NTN1: variants seen among roughly 807,000 people sequenced by gnomAD.
The protein encoded by NTN1 is netrin-1.
Under a neutral mutation model 54.2 loss-of-function variants are expected in NTN1, and 11 were observed. That is an observed-to-expected ratio of 0.20 (90% CI 0.13 to 0.34). The LOEUF is 0.34. Ranked by LOEUF, NTN1 falls within the 10% of genes least tolerant of loss-of-function variation. The pLI, the probability that NTN1 is intolerant of heterozygous loss-of-function variation, is 1.00. For missense variants in NTN1, 740 were observed against 893.1 expected, an observed-to-expected ratio of 0.83 and a Z score of 2.18; for synonymous variants, 371 against 382.0, an observed-to-expected ratio of 0.97 and a Z score of 0.33.
chr17:9,080,720 G>A (rs1567705570), intron 2 of NTN1, among the ~76,000 whole-genome samples: 1 of 152,160 alleles, frequency 6.6e-6, no homozygotes. Flanking sequence ...AAGAGGGGTT[G>A]AAGGTTGAAG....
chr17:9,166,451 C>T (rs909720196), intron 3 of NTN1, among the ~76,000 whole-genome samples: 23 of 150,404 alleles, frequency 1.5e-4, no homozygotes, highest in Admixed American at 4.7e-4. Context: ...AAGCGATTCT[C>T]CTGCCTCAGC....
chr17:9,064,964 C>CCT (rs1375873605), intron 2 of NTN1, among the ~76,000 whole-genome samples: 6 of 151,914 alleles, frequency 3.9e-5, no homozygotes, highest in Non-Finnish European at 8.8e-5. Context: ...TGAGATGGCG[C>CCT]CTCTCTCTGT....
chr17:9,234,067 G>C (rs574880513), intron 6 of NTN1, among the ~76,000 whole-genome samples: 15 of 152,340 alleles, frequency 9.8e-5, no homozygotes, highest in Admixed American at 8.5e-4. Context: ...CTGGCCCTGA[G>C]CCCCTTTCTT....
At chr17:9,116,656 A>G (rs1380034618) in intron 2 of NTN1, among the ~76,000 whole-genome samples, 1 of 152,076 alleles carries the variant, frequency 6.6e-6, no homozygotes, top group Non-Finnish European at 1.5e-5. Flanking sequence ...TCACGTTCTC[A>G]TTGTCACCTA....
chr17:9,210,905 GAAAAAAAAAAAAAA>G (rs58541910), intron 5 of NTN1, among the ~76,000 whole-genome samples: 7 of 23,488 alleles, frequency 3.0e-4, no homozygotes, highest in South Asian at 5.2e-3. Flanking sequence ...GACTCCATCT[GAAAAAAAAAAAAAA>G]AAAAAAAAAA....
chr17:9,114,166 A>AAAAAAAAAAATATATATATATATATAT (rs1555569108), intron 2 of NTN1, among the ~76,000 whole-genome samples: 1 of 74,658 alleles, frequency 1.3e-5, no homozygotes, highest in African/African-American at 5.8e-5. Flanking sequence ...AAAAAAAAAA[A>AAAAAAAAAAATATATATATATATATAT]ATATATATAT....
chr17:9,235,019 G>C (rs1370078651), intron 6 of NTN1, among the ~76,000 whole-genome samples: 1 of 146,556 alleles, frequency 6.8e-6, no homozygotes, highest in African/African-American at 2.5e-5. Context: ...CTGGAGTGCA[G>C]TGGTGCGATC....
At chr17:9,053,707 A>G (rs2091968261) in intron 2 of NTN1, among the ~76,000 whole-genome samples, 1 of 152,252 alleles carries the variant, frequency 6.6e-6, no homozygotes, top group African/African-American at 2.4e-5. Context: ...ATGAAAAAAG[A>G]GACAGCCACC....
intron 6 of NTN1, among the ~76,000 whole-genome samples, chr17:9,224,390 G>T (rs933557899): frequency 6.6e-6 from 1 of 152,186 alleles, no homozygotes; most frequent in African/African-American, 2.4e-5. Flanking sequence ...GCGGGGAAGG[G>T]TGGGGCAGAG....
At chr17:9,181,172 G>A (rs980583759) in intron 4 of NTN1, among the ~76,000 whole-genome samples, 1 of 152,128 alleles carries the variant, frequency 6.6e-6, no homozygotes, top group South Asian at 2.1e-4. Flanking sequence ...TCTAACAAAG[G>A]GCGGGCTGAT....
intron 5 of NTN1, among the ~76,000 whole-genome samples, chr17:9,195,940 AC>A (rs1283449839): frequency 1.3e-5 from 2 of 151,966 alleles, no homozygotes; most frequent in Non-Finnish European, 2.9e-5. Flanking sequence ...TGAGTATTTC[AC>A]CCCACTCTAG....
At chr17:9,195,123 C>CT (rs1266261860) in intron 5 of NTN1, among the ~76,000 whole-genome samples, 5 of 152,238 alleles carry the variant, frequency 3.3e-5, no homozygotes, top group Admixed American at 2.0e-4. Flanking sequence ...CCTCTTTCTC[C>CT]TTTTCGGGAC....
chr17:9,074,018 C>A (rs986922930), intron 2 of NTN1, among the ~76,000 whole-genome samples: 9 of 152,132 alleles, frequency 5.9e-5, no homozygotes, highest in African/African-American at 2.2e-4. Flanking sequence ...GTACCTTGAG[C>A]TCTTTGTTTG....
chr17:9,126,338 G>T (rs1195796708), intron 2 of NTN1, among the ~76,000 whole-genome samples: 1 of 152,202 alleles, frequency 6.6e-6, no homozygotes, highest in Non-Finnish European at 1.5e-5. Flanking sequence ...AAGAAACCCT[G>T]TCTCTACAAA....
intron 2 of NTN1, among the ~76,000 whole-genome samples, chr17:9,128,971 G>A (rs1290267122): frequency 5.9e-5 from 9 of 152,126 alleles, no homozygotes; most frequent in African/African-American, 4.8e-5. Flanking sequence ...TTTCCCCAAT[G>A]CTGCCCTGTG....
intron 2 of NTN1, among the ~76,000 whole-genome samples, chr17:9,150,024 A>C (rs1390158952): frequency 6.6e-6 from 1 of 152,212 alleles, no homozygotes; most frequent in Admixed American, 6.5e-5. Context: ...CAACATGGCG[A>C]AACTCCATCT....
In NTN1 at chr17:9,142,025, G is replaced by A. The variant is rs150697205; in HGVS notation, c.1019-20788G>A. On this transcript the variant is annotated intron_variant, in intron 2 of 6. Coordinates refer to ENST00000173229, the MANE Select transcript of NTN1 (RefSeq NM_004822.3). ...GCCTGTAATCCCAGCTACTCAGGAG[G>A]CTGAGGCAGGAGAATCGCATGAACC... is the stretch of plus-strand genomic sequence containing the variant. 8.8e-3 allele frequency among the ~76,000 whole-genome samples: 1,345 copies of A among 152,312 alleles called. 17 individuals carry two copies. The highest frequency in any genetic ancestry group is 0.029 in the African/African-American group (1,194 of 41,566).
At chr17:9,176,951 A>G (rs992641026) in intron 3 of NTN1, 4 of 152,152 alleles carry the variant, frequency 2.6e-5, no homozygotes, top group Non-Finnish European at 4.4e-5. Context: ...CACGTATGAG[A>G]GAGTGTGGAT....
chr17:9,022,463 G>A lies in NTN1; in HGVS notation c.90G>A (p.Met30Ile), dbSNP rs767190473. The A allele has an allele frequency of 1.3e-6, 2 of 1,518,238 alleles. No individual in the cohort carries two copies. The highest frequency in any genetic ancestry group is 1.8e-6 in the Non-Finnish European group (2 of 1,138,674). 94.0% of individuals were successfully genotyped at this position (1,518,238 alleles called of 1,614,324 possible). The part of the protein sequence containing the change: ...GAVRGGPGLS[M>I]FAGQAAQPDP... ...TGCGCGGCGGGCCCGGGCTCAGCATGTTCGCGGGCCAGGCGGCGCAGCCCG... is the reference window on the plus strand; with the variant it reads ...TGCGCGGCGGGCCCGGGCTCAGCATATTCGCGGGCCAGGCGGCGCAGCCCG... Residue 30 changes from methionine to isoleucine, a missense_variant, in exon 2 of 7, where the codon ATG (methionine) becomes ATA (isoleucine). By Grantham distance (10) the Met-to-Ile change is conservative. Coordinates refer to ENST00000173229, the MANE Select transcript of NTN1 (RefSeq NM_004822.3).
Sources: allele counts gnomAD v4.1 joint callset (sites outside exome capture counted in the v4.1 genomes callset), GRCh38; gene constraint gnomAD v4.1.1; transcripts MANE v1.5; gene names NCBI Gene and HGNC (gene_info 2026-07-23, HGNC 2026-07-21).